ZNF185: variants seen among roughly 807,000 people sequenced by gnomAD.
The protein encoded by ZNF185 is zinc finger protein 185.
A neutral mutation model predicts 58.6 loss-of-function variants in ZNF185; 56 were observed. The observed-to-expected ratio is 0.95, with a 90% CI of 0.77 to 1.19. ZNF185 has a LOEUF of 1.19. Among genes scored for constraint, ZNF185 ranks in the 50% most tolerant of loss-of-function variants. The pLI, the probability that ZNF185 is intolerant of heterozygous loss-of-function variation, is 0.00. For missense variants in ZNF185, 627 were observed against 573.5 expected (o/e 1.09, Z -0.95); for synonymous variants, 230 against 215.9 (o/e 1.07, Z -0.57).
At chrX:152,958,405 C>T (rs1236606482) in intron 16 of ZNF185, among the ~76,000 whole-genome samples, 2 of 111,070 alleles carry the variant, frequency 1.8e-5, no homozygotes, top group Non-Finnish European at 3.8e-5. Context: ...AAGGAAGTTC[C>T]ATTTTGACTA....
chrX:152,964,071 C>A, intron 18 of ZNF185, 122 bp downstream of exon 20: 2 of 651,559 alleles, frequency 3.1e-6, no homozygotes, highest in African/African-American at 2.1e-5. Context: ...TTCTAGCAGG[C>A]CATTAGCCAA....
the ZNF185 span, among the ~76,000 whole-genome samples, chrX:152,903,121 G>A: frequency 1.1e-4 from 12 of 110,660 alleles, no homozygotes; most frequent in East Asian, 3.4e-3. Flanking sequence ...GAGTGCGGTG[G>A]CTCACGCCTG....
At chrX:152,947,146 C>T (rs1173349126) in intron 16 of ZNF185, among the ~76,000 whole-genome samples, 8 of 111,714 alleles carry the variant, frequency 7.2e-5, no homozygotes, top group South Asian at 3.7e-4. Context: ...TTTGGGAGGC[C>T]GAGGTGGCAG....
chrX:152,923,911 A>T (rs1020124567), intron 11 of ZNF185, among the ~76,000 whole-genome samples: 1 of 111,286 alleles, frequency 9.0e-6, no homozygotes, highest in South Asian at 3.8e-4. Context: ...TATGGGGGCA[A>T]AGGCTGCCAC....
intron 11 of ZNF185, among the ~76,000 whole-genome samples, chrX:152,923,200 G>A (rs1259110927): frequency 1.8e-5 from 2 of 112,016 alleles, no homozygotes; most frequent in African/African-American, 6.5e-5. Context: ...CATCCAGAAG[G>A]GGAGAGGGCC....
At chrX:152,926,959 C>T (rs781912461) in intron 11 of ZNF185, among the ~76,000 whole-genome samples, 1 of 112,370 alleles carries the variant, frequency 8.9e-6, no homozygotes, top group East Asian at 2.8e-4. Context: ...TGGCTTGCGC[C>T]CGCCTCACTC....
intron 9 of ZNF185, 87 bp from the exon 11 acceptor site, chrX:152,922,086 G>A (rs959836613): frequency 1.0e-6 from 1 of 992,711 alleles, no homozygotes; most frequent in Non-Finnish European, 1.4e-6. Context: ...GGGTCAGTTA[G>A]ACGCCACTGG....
chrX:152,911,021 G>T (rs1280713303), upstream of ZNF185, among the ~76,000 whole-genome samples: 2 of 111,924 alleles, frequency 1.8e-5, no homozygotes, highest in Non-Finnish European at 3.8e-5. Context: ...CCCTGGTGGG[G>T]TGTGCTGGGC....
In ZNF185 at chrX:152,952,412, G is replaced by C. The variant is rs183822384; in HGVS notation, c.1409+6948G>C. 6.2e-5 allele frequency among the ~76,000 whole-genome samples: 7 copies of C among 112,405 alleles called. No homozygotes were observed. The East Asian group carries it at 1.9e-3, about 31-fold the overall frequency. On this transcript the variant is annotated intron_variant, in intron 16 of 22. Transcript: ENST00000449285. The stretch of plus-strand genomic sequence containing the variant: ...TACTTATTTATCTCTAAGTCAATTA[G>C]AATAGAGGATAAGGGATTTTGTAAA...
intron 19 of ZNF185, 139 bp from the exon 22 acceptor site, chrX:152,967,028 C>G (rs782561700): frequency 3.7e-6 from 2 of 541,887 alleles, no homozygotes; most frequent in East Asian, 3.6e-5. Context: ...ATAGAAGGGC[C>G]CTGTGGCACC....
At chrX:152,931,451 A>G (rs1941953333) in intron 12 of ZNF185, among the ~76,000 whole-genome samples, 1 of 111,888 alleles carries the variant, frequency 8.9e-6, no homozygotes. Flanking sequence ...GTGGAGATGG[A>G]GTCTAGCTGT....
intron 16 of ZNF185, among the ~76,000 whole-genome samples, chrX:152,953,250 C>T (rs781871479): frequency 8.9e-6 from 1 of 111,997 alleles, no homozygotes; most frequent in Non-Finnish European, 1.9e-5. Context: ...TCCTGCTCAA[C>T]AGAGTCAGGG....
rs782079721 is a variant in ZNF185, at chrX:152,945,270, C to T, written c.1215C>T (p.Ala405=). ...AAGGGTGCTTATTCTTCTTCAGGGC[C>T]TTGGCTGATTATGAGGGGAAGGATG... The change falls in exon 16 of 23, where the codon GCC becomes GCT. Residue 405 remains alanine (A), a synonymous_variant. Transcript: ENST00000449285. 3.3e-6 allele frequency: 4 copies of T among 1,206,407 alleles called. No individual in the cohort carries two copies. The East Asian group carries it at 1.2e-4, about 36-fold the overall frequency.
chrX:152,933,687 G>A (rs1456008418), intron 14 of ZNF185, among the ~76,000 whole-genome samples: 1 of 112,539 alleles, frequency 8.9e-6, no homozygotes, highest in Non-Finnish European at 1.9e-5. Flanking sequence ...AGTCCTTCTG[G>A]TTCAGAGCAG....
chrX:152,957,508 A>G (rs2048970237), intron 16 of ZNF185, among the ~76,000 whole-genome samples: 1 of 112,407 alleles, frequency 8.9e-6, no homozygotes, highest in Non-Finnish European at 1.9e-5. Flanking sequence ...ACTAGTCAAG[A>G]TAATTTTTAG....
chrX:152,965,699 T>C (rs954027902), intron 19 of ZNF185, among the ~76,000 whole-genome samples, 172 bp downstream of exon 21: 2 of 110,958 alleles, frequency 1.8e-5, no homozygotes, highest in Non-Finnish European at 3.8e-5. Context: ...CATTTTCTAC[T>C]GAACTGGGCA....
At chrX:152,899,457 C>T in the ZNF185 span, among the ~76,000 whole-genome samples, 1 of 113,076 alleles carries the variant, frequency 8.8e-6, no homozygotes, top group Non-Finnish European at 1.9e-5. Flanking sequence ...CCCCTCATCG[C>T]TCCCAGGCCA....
chrX:152,962,704 G>T (rs896440741), intron 17 of ZNF185, among the ~76,000 whole-genome samples: 3 of 112,349 alleles, frequency 2.7e-5, no homozygotes, highest in Non-Finnish European at 3.8e-5. Context: ...AGGTAGGAGG[G>T]CAGGCCCTCA....
At chrX:152,969,268 G>A in intron 20 of ZNF185, 114 bp from the exon 23 acceptor site, 1 of 566,560 alleles carries the variant, frequency 1.8e-6, no homozygotes, top group South Asian at 2.9e-5. Context: ...TGGCATCCTG[G>A]GGATCCTGAC....
Sources: gnomAD v4.1 joint callset for allele counts (sites outside exome capture counted in the v4.1 genomes callset) on GRCh38, gnomAD v4.1.1 for gene constraint, MANE v1.5 for transcripts, NCBI Gene and HGNC (gene_info 2026-07-23, HGNC 2026-07-21) for gene names.